The following TNR variants were observed in gnomAD, a reference collection of about 807,000 sequenced individuals.
The protein encoded by TNR is tenascin R.
TNR carries 45 observed loss-of-function variants against 150.4 expected under a neutral mutation model. The ratio of observed to expected loss-of-function variants is 0.30; its 90% confidence interval spans 0.24 to 0.38. The LOEUF (loss-of-function observed/expected upper bound fraction) is 0.38, where lower values mean the gene tolerates loss of function less well. TNR is among the 10% of genes least tolerant of loss of function. The pLI is 1.00. For synonymous variants in TNR, 687 were observed against 678.4 expected (o/e 1.01, Z -0.20); for missense variants, 1,544 against 1,759.1 (o/e 0.88, Z 2.19).
At chr1:175,462,239 T>A (rs1005939385) in intron 2 of TNR, among the ~76,000 whole-genome samples, 1 of 152,224 alleles carries the variant, frequency 6.6e-6, no homozygotes, top group Non-Finnish European at 1.5e-5. Context: ...TGTTCCCTAT[T>A]TGGTGTATGT....
At chr1:175,649,506 C>T (rs1415658614) in intron 1 of TNR, among the ~76,000 whole-genome samples, 1 of 152,126 alleles carries the variant, frequency 6.6e-6, no homozygotes, top group Non-Finnish European at 1.5e-5. Context: ...GGGCAGACAG[C>T]ATCTTCCTTG....
intron 1 of TNR, among the ~76,000 whole-genome samples, chr1:175,727,656 G>A (rs1449380833): frequency 1.3e-5 from 2 of 152,184 alleles, no homozygotes; most frequent in Non-Finnish European, 2.9e-5. Context: ...ATAATTGCAG[G>A]AACAGAGGCT....
rs554035731 is a variant in TNR, at chr1:175,424,479, G to A, written c.-63-17702C>T. Among the ~76,000 whole-genome samples the A allele has an allele frequency of 2.6e-5, 4 of 152,358 alleles. No individual in the cohort carries two copies. The East Asian group carries it at 7.7e-4, about 29-fold the overall frequency. ...CTTCCTCTCCATTAACAGGTGTGCA[G>A]AATTGTGTCTAAACCCCACAGCTCT... is the stretch of plus-strand genomic sequence containing the variant. On this transcript the variant is annotated intron_variant, in intron 2 of 22. Coordinates refer to ENST00000367674, the MANE Select transcript of TNR (RefSeq NM_003285.3).
At chr1:175,623,218 T>C (rs1664037256) in intron 1 of TNR, among the ~76,000 whole-genome samples, 1 of 152,216 alleles carries the variant, frequency 6.6e-6, no homozygotes, top group African/African-American at 2.4e-5. Flanking sequence ...AAAGACATCA[T>C]CTGCCAAATT....
At chr1:175,525,327 A>C (rs1659806436) in intron 2 of TNR, among the ~76,000 whole-genome samples, 1 of 152,180 alleles carries the variant, frequency 6.6e-6, no homozygotes, top group African/African-American at 2.4e-5. Flanking sequence ...TCTTTACAGA[A>C]GTGTGAGAAC....
At chr1:175,459,405 G>GCT (rs1441026969) in intron 2 of TNR, among the ~76,000 whole-genome samples, 1 of 152,160 alleles carries the variant, frequency 6.6e-6, no homozygotes, top group Admixed American at 6.5e-5. Flanking sequence ...ATGAAAATCT[G>GCT]CATTTTAAGG....
At chr1:175,654,355 CAGA>C (rs1034062786) in intron 1 of TNR, among the ~76,000 whole-genome samples, 1 of 152,124 alleles carries the variant, frequency 6.6e-6, no homozygotes, top group Non-Finnish European at 1.5e-5. Context: ...TGCATAAATG[CAGA>C]AGAAGTTAAC....
At chr1:175,719,739 C>T (rs372452140) in intron 1 of TNR, among the ~76,000 whole-genome samples, 2 of 152,278 alleles carry the variant, frequency 1.3e-5, no homozygotes, top group African/African-American at 2.4e-5. Flanking sequence ...GCAGAGACCC[C>T]GCTGGGAGAT....
intron 1 of TNR, among the ~76,000 whole-genome samples, chr1:175,541,299 A>C (rs1158549029): frequency 6.6e-6 from 1 of 152,236 alleles, no homozygotes; most frequent in Non-Finnish European, 1.5e-5. Context: ...AATAAGTATT[A>C]AACTAAAGCA....
intron 1 of TNR, among the ~76,000 whole-genome samples, chr1:175,623,146 T>C (rs1158179934): frequency 6.6e-6 from 1 of 152,242 alleles, no homozygotes; most frequent in African/African-American, 2.4e-5. Flanking sequence ...TACTATTGGC[T>C]TACCTTTCTA....
Position 175,671,911 on chromosome 1 carries a change from C to CTGTGTGTGTGTGTG in TNR, c.-165+71301_-165+71314dup, listed in dbSNP as rs35804880. Among the ~76,000 whole-genome samples, 979 of 142,106 alleles carry CTGTGTGTGTGTGTG rather than the reference C, an allele frequency of 6.9e-3. 16 individuals are homozygous for CTGTGTGTGTGTGTG. Among genetic ancestry groups the CTGTGTGTGTGTGTG allele is most frequent in the East Asian group, 0.028 (130 of 4,566 alleles). 93.2% of individuals were successfully genotyped at this position (142,106 alleles called of 152,430 possible). On this transcript the variant is annotated intron_variant, in intron 1 of 22. Coordinates refer to ENST00000367674, the MANE Select transcript of TNR (RefSeq NM_003285.3). ...TCCAAGGGAGTCTTATGAGCTGTAC[C>CTGTGTGTGTGTGTG]TGTGTGTGTGTGTGTGTGTGTGTGT...
intron 2 of TNR, among the ~76,000 whole-genome samples, chr1:175,418,999 G>T (rs1654633729): frequency 6.6e-6 from 1 of 152,144 alleles, no homozygotes; most frequent in Admixed American, 6.5e-5. Flanking sequence ...ATTTCAACCT[G>T]AAAAACATAA....
chr1:175,502,895 A>T (rs1658796215), intron 2 of TNR, among the ~76,000 whole-genome samples: 1 of 151,378 alleles, frequency 6.6e-6, no homozygotes, highest in African/African-American at 2.5e-5. Context: ...TGCAGGATGG[A>T]TGGACCCCCT....
chr1:175,677,272 G>A (rs906745244), intron 1 of TNR, among the ~76,000 whole-genome samples: 2 of 152,156 alleles, frequency 1.3e-5, no homozygotes, highest in Admixed American at 6.5e-5. Flanking sequence ...AGGATTTCCT[G>A]GGTGTCTTCT....
At chr1:175,522,209 A>G (rs1014292093) in intron 2 of TNR, among the ~76,000 whole-genome samples, 5 of 152,076 alleles carry the variant, frequency 3.3e-5, no homozygotes, top group African/African-American at 4.8e-5. Context: ...GGCTTAGAAG[A>G]TTTCTGACTC....
chr1:175,563,257 G>A (rs912310306), intron 1 of TNR, among the ~76,000 whole-genome samples: 1 of 152,210 alleles, frequency 6.6e-6, no homozygotes, highest in Non-Finnish European at 1.5e-5. Flanking sequence ...AATGGAGAAA[G>A]CCAGTAAAAA....
At chr1:175,708,614 G>A (rs1045273360) in intron 1 of TNR, among the ~76,000 whole-genome samples, 8 of 152,184 alleles carry the variant, frequency 5.3e-5, no homozygotes, top group African/African-American at 9.6e-5. Context: ...AAAAGGATGT[G>A]CCTCTGTGCG....
chr1:175,558,382 T>A (rs975352223), intron 1 of TNR, among the ~76,000 whole-genome samples: 13 of 152,208 alleles, frequency 8.5e-5, no homozygotes, highest in Admixed American at 8.5e-4. Context: ...CTCCATAATG[T>A]ATATGCTTCA....
chr1:175,554,496 G>T (rs1002240058), intron 1 of TNR, among the ~76,000 whole-genome samples: 1 of 152,116 alleles, frequency 6.6e-6, no homozygotes, highest in African/African-American at 2.4e-5. Context: ...GATAGCATAG[G>T]GTTCTATTTG....
Sources: gnomAD v4.1 joint callset for allele counts (sites outside exome capture counted in the v4.1 genomes callset) on GRCh38, gnomAD v4.1.1 for gene constraint, MANE v1.5 for transcripts, NCBI Gene and HGNC (gene_info 2026-07-23, HGNC 2026-07-21) for gene names.